CNOT4: variants seen among roughly 807,000 people sequenced by gnomAD.
CNOT4 encodes CCR4-associated factor 4.
A neutral mutation model predicts 73.8 loss-of-function variants in CNOT4; 8 were observed. The ratio of observed to expected loss-of-function variants is 0.11; its 90% CI spans 0.06 to 0.20. The LOEUF (loss-of-function observed/expected upper bound fraction) is 0.20. Among genes scored for constraint, CNOT4 ranks in the 10% least tolerant of loss-of-function variants. The probability of loss-of-function intolerance (pLI) is 1.00; values close to 1 mark genes in which losing one functional copy is unlikely to be tolerated. For synonymous variants in CNOT4, 293 were observed against 321.1 expected, an observed-to-expected ratio of 0.91 and a Z score of 0.94; for missense variants, 564 against 883.4, an observed-to-expected ratio of 0.64 and a Z score of 4.58.
Position 135,363,760 on chromosome 7 carries a change from C to A in CNOT4, c.1840+94G>T, listed in dbSNP as rs1794767520. 4.9e-6 allele frequency: 5 copies of A among 1,022,146 alleles called. No individual in the cohort carries two copies. In the African/African-American group the frequency reaches 6.4e-5, roughly 13 times the overall value. 63.3% of individuals were successfully genotyped at this position (1,022,146 alleles called of 1,614,324 possible). On this transcript the variant is annotated intron_variant, in intron 11 of 11. Transcript: ENST00000541284. The surrounding 1 kb of genome is among the most constrained non-coding windows in gnomAD (Gnocchi z 4.3). ...TCCACACTTGCGGCTTTGTGAAAAG[C>A]AGCTTATGTTGAAGAGATCTCGGTT...
At chr7:135,433,970 C>G (rs1799005467) in intron 2 of CNOT4, among the ~76,000 whole-genome samples, 1 of 152,208 alleles carries the variant, frequency 6.6e-6, no homozygotes, top group Admixed American at 6.5e-5. Flanking sequence ...CTGGCTGTCT[C>G]TGCTTTTCAA....
chr7:135,502,138 T>C lies in CNOT4; in HGVS notation c.-93+7751A>G, dbSNP rs536815770. Reference sequence around the variant, plus strand: ...TGGTTCTTCCCAGTCTCCAAAACCATGAGCCAAATACATTTCTGTCGATTA... The same window carrying C: ...TGGTTCTTCCCAGTCTCCAAAACCACGAGCCAAATACATTTCTGTCGATTA... On this transcript the variant is annotated intron_variant, in intron 1 of 11. Transcript: ENST00000541284. 5.9e-5 allele frequency among the ~76,000 whole-genome samples: 9 copies of C among 152,340 alleles called. No homozygotes were observed. In the South Asian group the frequency reaches 1.9e-3, roughly 32 times the overall value.
At chr7:135,430,702 G>T (rs1199169235) in intron 2 of CNOT4, among the ~76,000 whole-genome samples, 1 of 151,936 alleles carries the variant, frequency 6.6e-6, no homozygotes, top group Non-Finnish European at 1.5e-5. Flanking sequence ...GGAGAAAAAA[G>T]TATAACCATC....
chr7:135,410,739 TAAATA>T (rs1797547828), intron 6 of CNOT4, 91 bp from the exon 7 acceptor site: 2 of 665,102 alleles, frequency 3.0e-6, no homozygotes, highest in Non-Finnish European at 4.0e-6. Flanking sequence ...AAATATATTT[TAAATA>T]AAATAAATAA....
chr7:135,411,171 A>G (rs564589437), intron 6 of CNOT4, among the ~76,000 whole-genome samples: 1 of 152,202 alleles, frequency 6.6e-6, no homozygotes, highest in African/African-American at 2.4e-5. Context: ...TCCATGAATT[A>G]GTTTTTGCTT....
chr7:135,468,608 G>A (rs1801374309), intron 1 of CNOT4, among the ~76,000 whole-genome samples: 1 of 150,710 alleles, frequency 6.6e-6, no homozygotes, highest in African/African-American at 2.4e-5. Flanking sequence ...TTGAACTCAG[G>A]AGGCAGAGGT....
At chr7:135,476,398 G>A (rs772127911) in intron 1 of CNOT4, among the ~76,000 whole-genome samples, 3 of 152,148 alleles carry the variant, frequency 2.0e-5, no homozygotes, top group Non-Finnish European at 4.4e-5. Context: ...TTCATTTTAC[G>A]TCCCTGTCTT....
At chr7:135,487,077 A>C (rs941995270) in intron 1 of CNOT4, among the ~76,000 whole-genome samples, 1 of 151,902 alleles carries the variant, frequency 6.6e-6, no homozygotes, top group African/African-American at 2.4e-5. Context: ...TATCTGTATT[A>C]TCTCTACTTT....
At chr7:135,470,442 A>G (rs1199101397) in intron 1 of CNOT4, among the ~76,000 whole-genome samples, 1 of 152,052 alleles carries the variant, frequency 6.6e-6, no homozygotes, top group Non-Finnish European at 1.5e-5. Context: ...GTTCATAAGC[A>G]GTTTTATTCA....
intron 1 of CNOT4, among the ~76,000 whole-genome samples, chr7:135,471,324 C>T (rs867322494): frequency 6.7e-6 from 1 of 150,298 alleles, no homozygotes; most frequent in East Asian, 1.9e-4. Context: ...CTCAAACAAA[C>T]GAAAACAGTT....
intron 1 of CNOT4, among the ~76,000 whole-genome samples, chr7:135,488,005 G>A (rs1802848818): frequency 6.6e-6 from 1 of 152,138 alleles, no homozygotes; most frequent in Middle Eastern, 3.4e-3. Context: ...AGCTTGCACT[G>A]AGCTGAGATA....
At chr7:135,435,867 G>A (rs1315327648) in intron 2 of CNOT4, among the ~76,000 whole-genome samples, 1 of 152,272 alleles carries the variant, frequency 6.6e-6, no homozygotes, top group Admixed American at 6.5e-5. Context: ...TTAAGGCTCT[G>A]ATTCAAACTT....
intron 1 of CNOT4, among the ~76,000 whole-genome samples, chr7:135,438,836 A>C (rs1252595927): frequency 3.9e-5 from 6 of 152,180 alleles, no homozygotes; most frequent in Non-Finnish European, 8.8e-5. Context: ...AATCGAATGA[A>C]AACAAGATAC....
rs889940786 is a variant in CNOT4, at chr7:135,509,919, C to T, written c.-123G>A. The T allele has an allele frequency of 7.5e-6, 3 of 397,756 alleles. 1 individual carries two copies. In the Admixed American group the frequency reaches 1.3e-4, roughly 18 times the overall value. 24.6% of individuals were successfully genotyped at this position (397,756 alleles called of 1,614,324 possible). ...TGCCTTGCCTCGCTTTTCCCTCAGC[C>T]GACTCCACGGGCTGCCGCGTCCTCA... On this transcript the variant is annotated 5_prime_UTR_variant, in exon 1 of 12. Coordinates refer to ENST00000541284, the MANE Select transcript of CNOT4 (RefSeq NM_001190850.2).
intron 1 of CNOT4, among the ~76,000 whole-genome samples, chr7:135,495,241 A>T (rs1438887238): frequency 1.3e-5 from 2 of 152,208 alleles, no homozygotes; most frequent in East Asian, 3.9e-4. Flanking sequence ...AAGTTGGCTC[A>T]CGCCTGTAAT....
chr7:135,413,205 C>T (rs1797672707), intron 6 of CNOT4, among the ~76,000 whole-genome samples: 1 of 151,938 alleles, frequency 6.6e-6, no homozygotes, highest in Non-Finnish European at 1.5e-5. Flanking sequence ...CTTCGTGGAT[C>T]TGTATTAGCA....
At chr7:135,440,997 T>C (rs935694560) in intron 1 of CNOT4, among the ~76,000 whole-genome samples, 2 of 152,148 alleles carry the variant, frequency 1.3e-5, no homozygotes, top group African/African-American at 4.8e-5. Flanking sequence ...AAATATGATA[T>C]AACATAAGGT....
At chr7:135,492,721 C>T (rs904810640) in intron 1 of CNOT4, among the ~76,000 whole-genome samples, 1 of 152,082 alleles carries the variant, frequency 6.6e-6, no homozygotes, top group Admixed American at 6.6e-5. Flanking sequence ...TACTTGGGGC[C>T]AGGAGTTTCA....
intron 2 of CNOT4, among the ~76,000 whole-genome samples, chr7:135,428,350 A>T (rs145722238): frequency 6.6e-6 from 1 of 152,212 alleles, no homozygotes; most frequent in Non-Finnish European, 1.5e-5. Flanking sequence ...AACACAAAGA[A>T]ATACAACAAC....
Sources: gnomAD v4.1 joint callset for allele counts (sites outside exome capture counted in the v4.1 genomes callset) on GRCh38, gnomAD v4.1.1 for gene constraint, Gnocchi (gnomAD v3.1) non-coding constraint, MANE v1.5 for transcripts, NCBI Gene and HGNC (gene_info 2026-07-23, HGNC 2026-07-21) for gene names.